SYT13: variants seen among roughly 807,000 people sequenced by gnomAD.
SYT13 encodes the protein synaptotagmin 13.
Under a neutral mutation model 38.6 loss-of-function variants are expected in SYT13, and 21 were observed. The observed-to-expected ratio is 0.54, with a 90% CI of 0.39 to 0.78. SYT13 has a LOEUF of 0.78. SYT13 is among the 30% of genes least tolerant of loss of function. The pLI is 0.00. For synonymous variants in SYT13, 241 were observed against 237.6 expected (o/e 1.01, Z -0.13); for missense variants, 495 against 548.7 (o/e 0.90, Z 0.98).
At chr11:45,250,155 C>T (rs1854655810) in intron 4 of SYT13, among the ~76,000 whole-genome samples, 1 of 152,188 alleles carries the variant, frequency 6.6e-6, no homozygotes, top group African/African-American at 2.4e-5. Flanking sequence ...GCCCTATACA[C>T]CCAGAAAGTC....
At chr11:45,281,514 A>C (rs1158626977) in intron 1 of SYT13, among the ~76,000 whole-genome samples, 1 of 152,136 alleles carries the variant, frequency 6.6e-6, no homozygotes, top group East Asian at 1.9e-4. Context: ...AAAAATACAA[A>C]AAAATTGCTA....
At chr11:45,281,942 C>T (rs1855079521) in intron 1 of SYT13, among the ~76,000 whole-genome samples, 1 of 152,206 alleles carries the variant, frequency 6.6e-6, no homozygotes, top group Non-Finnish European at 1.5e-5. Context: ...GGGAAAAGAG[C>T]AGTTCTCCTT....
intron 1 of SYT13, among the ~76,000 whole-genome samples, chr11:45,270,696 AC>A (rs1854938704): frequency 6.6e-6 from 1 of 152,226 alleles, no homozygotes; most frequent in African/African-American, 2.4e-5. Flanking sequence ...AACCCATGTG[AC>A]TATCACCCAT....
At chr11:45,271,419 G>A (rs896773510) in intron 1 of SYT13, among the ~76,000 whole-genome samples, 5 of 151,460 alleles carry the variant, frequency 3.3e-5, no homozygotes, top group Non-Finnish European at 7.4e-5. Context: ...TTAACAATGA[G>A]AGAGAGAGAG....
intron 1 of SYT13, among the ~76,000 whole-genome samples, chr11:45,283,096 C>A (rs185011857): frequency 6.6e-6 from 1 of 152,144 alleles, no homozygotes; most frequent in Non-Finnish European, 1.5e-5. Flanking sequence ...TTCAGTGAGC[C>A]GTGATCACAC....
In SYT13 at chr11:45,254,307, G is replaced by T. The variant is rs1352747403; in HGVS notation, c.507C>A (p.Asp169Glu). Residue 169 changes from aspartate (D) to glutamate (E), a missense_variant, in exon 3 of 6, where the codon GAC becomes GAA. By Grantham distance (45) the Asp-to-Glu change is conservative. Transcript: ENST00000020926. ...TCACAAACAATTCTGCCTTCTGACA[G>T]TCATAGTCCAGGCAGTAGTGGAGTT... ...APKLHYCLDYDCQKAELFVTR... is the reference protein window; with the variant it reads ...APKLHYCLDYECQKAELFVTR... 2 of 1,613,506 alleles carry T rather than the reference G, an allele frequency of 1.2e-6. No individual in the cohort carries two copies. The highest frequency in any genetic ancestry group is 1.7e-5 in the Admixed American group (1 of 59,938).
intron 1 of SYT13, among the ~76,000 whole-genome samples, chr11:45,267,529 C>T (rs1336589173): frequency 1.3e-5 from 2 of 152,180 alleles, no homozygotes; most frequent in Admixed American, 6.5e-5. Flanking sequence ...CTTGGGAACA[C>T]CCTGATTTGG....
chr11:45,252,407 A>G lies in SYT13; in HGVS notation c.846+14T>C, dbSNP rs369391084. ...CGGGCAGGTTTTACCTTTCTAACCC[A>G]GGGGTTACCCTACCTTCGCTGAAGT... On this transcript the variant is annotated intron_variant, in intron 4 of 5. Coordinates refer to ENST00000020926, the MANE Select transcript of SYT13 (RefSeq NM_020826.3). This position sits in a 1 kb window ranked among gnomAD's most constrained non-coding sequence, Gnocchi z 4.3. The G allele has an allele frequency of 8.4e-6, 13 of 1,555,970 alleles. No homozygotes were observed. The highest frequency in any genetic ancestry group is 4.1e-5 in the African/African-American group (3 of 73,758).
chr11:45,252,798 G>A lies in SYT13; in HGVS notation c.545-76C>T. 2.0e-6 allele frequency: 3 copies of A among 1,464,776 alleles called. No individual in the cohort carries two copies. Among genetic ancestry groups the A allele is most frequent in the Non-Finnish European group, 2.7e-6 (3 of 1,097,224 alleles). The allele number at this position is 1,464,776 out of a possible 1,614,324, so 90.7% of individuals were successfully genotyped here. ...AGGGGGCAGAAGCACGCCTTGCTTA[G>A]GGCTGTGGAATCCAGCTTAACGACG... is the stretch of plus-strand genomic sequence containing the variant. On this transcript the variant is annotated intron_variant, in intron 3 of 5. Coordinates refer to ENST00000020926, the MANE Select transcript of SYT13 (RefSeq NM_020826.3). This position sits in a 1 kb window ranked among gnomAD's most constrained non-coding sequence, Gnocchi z 4.3.
In SYT13 at chr11:45,241,605, C is replaced by T. The variant is rs1854552856; in HGVS notation, c.*2447G>A. ...TGATAATTCTGGGATCGGGGCCCCGCCCAGCCCACCTGAAATTCCTTTGAT... is the reference window on the plus strand; with the variant it reads ...TGATAATTCTGGGATCGGGGCCCCGTCCAGCCCACCTGAAATTCCTTTGAT... On this transcript the variant is annotated 3_prime_UTR_variant, in exon 6 of 6. Coordinates refer to ENST00000020926, the MANE Select transcript of SYT13 (RefSeq NM_020826.3). 1 of 150,986 alleles carries T rather than the reference C, an allele frequency of 6.6e-6. No homozygotes were observed. The highest frequency in any genetic ancestry group is 2.1e-4 in the South Asian group (1 of 4,776). 9.4% of individuals were successfully genotyped at this position (150,986 alleles called of 1,614,324 possible). A position where few individuals can be genotyped will look rare whatever the true frequency, so the allele number is the denominator to read the frequency against.
chr11:45,266,503 T>TACAA (rs145730888), intron 1 of SYT13, among the ~76,000 whole-genome samples: 1 of 147,282 alleles, frequency 6.8e-6, no homozygotes, highest in Non-Finnish European at 1.5e-5. Flanking sequence ...CCCTCTCAAA[T>TACAA]ACACACACAC....
intron 1 of SYT13, among the ~76,000 whole-genome samples, chr11:45,280,334 A>G (rs1855057360): frequency 6.6e-6 from 1 of 152,178 alleles, no homozygotes; most frequent in Admixed American, 6.5e-5. Context: ...GAAACAGCAG[A>G]AAGCAAACAG....
intron 1 of SYT13, among the ~76,000 whole-genome samples, chr11:45,280,686 T>G (rs1236161553): frequency 6.6e-6 from 1 of 152,182 alleles, no homozygotes; most frequent in Non-Finnish European, 1.5e-5. Context: ...ATAAATAAAC[T>G]GTGCTGGCTT....
rs183695374 is a variant in SYT13 at position 45,258,084 on chromosome 11, G to C, written c.184-2193C>G. Among the ~76,000 whole-genome samples, 9 of 152,342 alleles carry C rather than the reference G, an allele frequency of 5.9e-5. 1 individual carries two copies. In the East Asian group the frequency reaches 1.5e-3, roughly 26 times the overall value. On this transcript the variant is annotated intron_variant, in intron 1 of 5. Transcript: ENST00000020926. ...ACGCATAGGCTCTAAAAGCATTTCTGACTTCGGTGGAGTGAAGTCACTTGG... is the reference window on the plus strand; with the variant it reads ...ACGCATAGGCTCTAAAAGCATTTCTCACTTCGGTGGAGTGAAGTCACTTGG...
intron 4 of SYT13, among the ~76,000 whole-genome samples, chr11:45,249,028 T>TA (rs1854644535): frequency 6.6e-6 from 1 of 151,000 alleles, no homozygotes; most frequent in South Asian, 2.1e-4. Context: ...ATCCAGAATC[T>TA]ACAAAGAAAT....
intron 1 of SYT13, among the ~76,000 whole-genome samples, chr11:45,282,639 T>C (rs564380535): frequency 8.5e-5 from 13 of 152,332 alleles, no homozygotes; most frequent in African/African-American, 3.1e-4. Context: ...GCAACAGCTG[T>C]AATGTGCTAC....
At chr11:45,258,757 G>T (rs1292486759) in intron 1 of SYT13, among the ~76,000 whole-genome samples, 1 of 152,136 alleles carries the variant, frequency 6.6e-6, no homozygotes, top group African/African-American at 2.4e-5. Context: ...GGGGGATTTG[G>T]AAGGCAGAGG....
At position 45,252,780 on chromosome 11, in the gene SYT13, A is replaced by G; in HGVS notation, c.545-58T>C. 6.6e-7 allele frequency: 1 copy of G among 1,509,586 alleles called. No homozygotes were observed. Among genetic ancestry groups the G allele is most frequent in the Non-Finnish European group, 8.9e-7 (1 of 1,123,648 alleles). The allele number at this position is 1,509,586 out of a possible 1,614,324, so 93.5% of individuals were successfully genotyped here. Reference sequence around the variant, plus strand: ...CTTTCTGAGGACAAGTGGAGGGGGCAGAAGCACGCCTTGCTTAGGGCTGTG... The same window carrying G: ...CTTTCTGAGGACAAGTGGAGGGGGCGGAAGCACGCCTTGCTTAGGGCTGTG... On this transcript the variant is annotated intron_variant, in intron 3 of 5. Coordinates refer to ENST00000020926, the MANE Select transcript of SYT13 (RefSeq NM_020826.3). This position sits in a 1 kb window ranked among gnomAD's most constrained non-coding sequence, Gnocchi z 4.3.
At chr11:45,251,343 C>A (rs59870925) in intron 4 of SYT13, among the ~76,000 whole-genome samples, 1 of 143,010 alleles carries the variant, frequency 7.0e-6, no homozygotes, top group Non-Finnish European at 1.5e-5. Context: ...GAGCCGAGAT[C>A]GCGCCACTGC....
Sources: gnomAD v4.1 joint callset for allele counts (sites outside exome capture counted in the v4.1 genomes callset) on GRCh38, gnomAD v4.1.1 for gene constraint, Gnocchi (gnomAD v3.1) non-coding constraint, MANE v1.5 for transcripts, NCBI Gene and HGNC (gene_info 2026-07-23, HGNC 2026-07-21) for gene names.